Variants in NFKB1 observed in about 807,000 individuals in gnomAD.
The protein encoded by NFKB1 is nuclear factor NF-kappa-B p105 subunit.
In NFKB1, 9 loss-of-function variants were observed where a neutral mutation model predicts 105.1. That is an observed-to-expected ratio of 0.09 (90% confidence interval 0.05 to 0.15). The LOEUF is 0.15. Among genes scored for constraint, NFKB1 ranks in the 10% least tolerant of loss-of-function variants. The pLI is 1.00. For synonymous variants in NFKB1, 440 were observed against 442.2 expected (o/e 1.00, Z 0.06); for missense variants, 830 against 1,203.7 (o/e 0.69, Z 4.59).
intron 23 of NFKB1, 70 bp downstream of exon 23, chr4:102,613,651 T>G (rs1728660206): frequency 2.0e-6 from 3 of 1,515,512 alleles, no homozygotes; most frequent in Non-Finnish European, 1.8e-6. Context: ...CAGCTCTTTT[T>G]GGATATGGTG....
intron 8 of NFKB1, 109 bp downstream of exon 8, chr4:102,579,148 C>A: frequency 8.9e-7 from 1 of 1,126,424 alleles, no homozygotes; most frequent in Non-Finnish European, 1.2e-6. Flanking sequence ...TCACTTTAAG[C>A]CTCAGCTTTA....
intron 1 of NFKB1, 174 bp downstream of exon 1, chr4:102,501,962 A>G (rs2149088910): frequency 6.6e-6 from 1 of 152,424 alleles, no homozygotes. Context: ...GGGATTAGCG[A>G]CAGCGGGGAA....
At chr4:102,607,785 A>G in intron 19 of NFKB1, 34 bp downstream of exon 19, 2 of 1,597,590 alleles carry the variant, frequency 1.3e-6, no homozygotes, top group Non-Finnish European at 1.7e-6. Context: ...TTAATGAAAA[A>G]TGTTACCAGG....
intron 1 of NFKB1, among the ~76,000 whole-genome samples, chr4:102,521,972 A>C (rs1253043348): frequency 6.6e-6 from 1 of 152,178 alleles, no homozygotes; most frequent in Admixed American, 6.5e-5. Context: ...TAGAAACCTC[A>C]CTACTGGGAA....
At chr4:102,608,832 A>T (rs1728084661) in intron 19 of NFKB1, among the ~76,000 whole-genome samples, 1 of 152,024 alleles carries the variant, frequency 6.6e-6, no homozygotes, top group African/African-American at 2.4e-5. Flanking sequence ...TTTAGAAGAC[A>T]CTGATTAATT....
intron 5 of NFKB1, among the ~76,000 whole-genome samples, chr4:102,549,860 T>C (rs1191158302): frequency 2.0e-5 from 3 of 152,142 alleles, no homozygotes; most frequent in African/African-American, 7.2e-5. Context: ...GCCTTCACAC[T>C]TTTTTCAGAA....
At chr4:102,540,644 T>C (rs1232852185) in intron 5 of NFKB1, among the ~76,000 whole-genome samples, 1 of 152,202 alleles carries the variant, frequency 6.6e-6, no homozygotes, top group African/African-American at 2.4e-5. Flanking sequence ...GCTGTCATTG[T>C]TCCCTTAGCT....
At chr4:102,567,167 A>G (rs778674551) in intron 6 of NFKB1, 32 bp downstream of exon 6, 54 of 1,603,356 alleles carry the variant, frequency 3.4e-5, no homozygotes, top group Non-Finnish European at 4.5e-5. Flanking sequence ...TGTGGAAGGT[A>G]GGAACAGATA....
intron 5 of NFKB1, among the ~76,000 whole-genome samples, chr4:102,541,493 A>C (rs1417064505): frequency 6.6e-6 from 1 of 152,210 alleles, no homozygotes; most frequent in East Asian, 1.9e-4. Flanking sequence ...ATGTATCTTC[A>C]ACATTTTGTA....
intron 15 of NFKB1, among the ~76,000 whole-genome samples, chr4:102,600,682 G>A (rs1475472003): frequency 1.3e-5 from 2 of 152,186 alleles, no homozygotes; most frequent in African/African-American, 4.8e-5. Context: ...CACAAATAAC[G>A]TAGCAGCCTT....
intron 11 of NFKB1, among the ~76,000 whole-genome samples, chr4:102,585,131 C>T (rs1725614343): frequency 6.6e-6 from 1 of 152,064 alleles, no homozygotes; most frequent in Admixed American, 6.5e-5. Flanking sequence ...CTTAAGCAGT[C>T]CTCCGGCCTT....
At chr4:102,510,879 GA>G in intron 1 of NFKB1, 1 of 1,245,620 alleles carries the variant, frequency 8.0e-7, no homozygotes, top group Non-Finnish European at 1.0e-6. Flanking sequence ...TTCCTTCCTA[GA>G]AGGAACACAA....
At chr4:102,549,904 C>T (rs1010784455) in intron 5 of NFKB1, among the ~76,000 whole-genome samples, 3 of 152,132 alleles carry the variant, frequency 2.0e-5, no homozygotes, top group Non-Finnish European at 4.4e-5. Flanking sequence ...AATGCTGCCA[C>T]CCTGGTATAA....
rs548564548 is a variant in NFKB1, at chr4:102,559,098, G to A, written c.259-7889G>A. On this transcript the variant is annotated intron_variant, in intron 5 of 23. Coordinates refer to ENST00000226574, the MANE Select transcript of NFKB1 (RefSeq NM_003998.4). ...AAGAAATAGAAAGTGCCAAAGCTAAGATTGCTCACCTGGCAAGTTCAAGAA... is the reference window on the plus strand; with the variant it reads ...AAGAAATAGAAAGTGCCAAAGCTAAAATTGCTCACCTGGCAAGTTCAAGAA... Among the ~76,000 whole-genome samples, 10 of 152,008 alleles carry A rather than the reference G, an allele frequency of 6.6e-5. No individual in the cohort carries two copies. In the South Asian group the frequency reaches 1.7e-3, roughly 25 times the overall value.
intron 5 of NFKB1, among the ~76,000 whole-genome samples, chr4:102,548,162 G>A (rs1164358949): frequency 6.6e-6 from 1 of 152,038 alleles, no homozygotes; most frequent in African/African-American, 2.4e-5. Flanking sequence ...AGGAACTCAC[G>A]GGCCATTGCC....
intron 22 of NFKB1, 94 bp downstream of exon 22, chr4:102,612,700 C>G: frequency 1.6e-6 from 2 of 1,249,478 alleles, no homozygotes; most frequent in South Asian, 3.0e-5. Flanking sequence ...TTTTCCTTAA[C>G]TCTGAAGAAG....
At chr4:102,505,176 A>G (rs1739346967) in intron 1 of NFKB1, among the ~76,000 whole-genome samples, 1 of 152,178 alleles carries the variant, frequency 6.6e-6, no homozygotes, top group Non-Finnish European at 1.5e-5. Flanking sequence ...CAGTTTAGAA[A>G]ATAAGTTGTG....
chr4:102,571,511 C>T (rs1442626997), intron 6 of NFKB1, among the ~76,000 whole-genome samples: 1 of 152,056 alleles, frequency 6.6e-6, no homozygotes, highest in Admixed American at 6.6e-5. Flanking sequence ...AGAGCTTCTC[C>T]GCAGCAAAAG....
At chr4:102,506,102 G>GA (rs1337532881) in intron 1 of NFKB1, among the ~76,000 whole-genome samples, 5 of 151,530 alleles carry the variant, frequency 3.3e-5, no homozygotes, top group Non-Finnish European at 7.4e-5. Flanking sequence ...TTATGAACTA[G>GA]AAAAAAAATG....
Sources: allele counts gnomAD v4.1 joint callset (sites outside exome capture counted in the v4.1 genomes callset), GRCh38; gene constraint gnomAD v4.1.1; transcripts MANE v1.5; gene names NCBI Gene and HGNC (gene_info 2026-07-23, HGNC 2026-07-21).